The following DOCK3 variants were observed in gnomAD, a reference collection of about 807,000 sequenced individuals.
DOCK3 encodes dedicator of cytokinesis 3.
DOCK3 carries 60 observed loss-of-function variants against 265.6 expected under a neutral mutation model. That is an observed-to-expected ratio of 0.23 (90% CI 0.18 to 0.28). The LOEUF (loss-of-function observed/expected upper bound fraction) is 0.28, where lower values mean the gene tolerates loss of function less well. Ranked by LOEUF, DOCK3 falls within the 10% of genes least tolerant of loss-of-function variation. The pLI, the probability that DOCK3 is intolerant of heterozygous loss-of-function variation, is 1.00. For synonymous variants in DOCK3, 881 were observed against 938.0 expected (o/e 0.94, Z 1.11); for missense variants, 1,981 against 2,594.3 (o/e 0.76, Z 5.14).
chr3:51,278,105 C>T (rs777502038), intron 26 of DOCK3: 95 of 985,372 alleles, frequency 9.6e-5, no homozygotes, highest in Non-Finnish European at 1.1e-4. Flanking sequence ...TTCTAGGAAC[C>T]CCCTCATACA....
chr3:51,060,930 A>G (rs184424453), intron 5 of DOCK3, among the ~76,000 whole-genome samples: 2,898 of 152,358 alleles, frequency 0.019, 95 homozygotes, highest in African/African-American at 0.066. Context: ...TCAAAAGAAG[A>G]CATTTATGCA....
At chr3:50,737,909 G>A (rs115413401) in intron 1 of DOCK3, among the ~76,000 whole-genome samples, 112 of 152,216 alleles carry the variant, frequency 7.4e-4, no homozygotes, top group African/African-American at 2.6e-3. Flanking sequence ...CTTTAGGGTC[G>A]GTTACTAGTG....
At chr3:50,961,864 AT>A (rs1233013788) in intron 5 of DOCK3, among the ~76,000 whole-genome samples, 18 of 152,304 alleles carry the variant, frequency 1.2e-4, no homozygotes, top group African/African-American at 4.3e-4. Flanking sequence ...TGGCTTCATA[AT>A]TTTAATAGAA....
At chr3:50,802,064 G>T (rs1298522251) in intron 2 of DOCK3, among the ~76,000 whole-genome samples, 2 of 151,960 alleles carry the variant, frequency 1.3e-5, no homozygotes, top group African/African-American at 2.4e-5. Context: ...TATTCCTTCA[G>T]TTACAGTTTT....
chr3:51,096,032 C>T (rs1331338187), intron 9 of DOCK3, among the ~76,000 whole-genome samples: 2 of 151,922 alleles, frequency 1.3e-5, no homozygotes, highest in African/African-American at 4.8e-5. Context: ...ACCTTTTCCT[C>T]TGGTTGCCTT....
chr3:50,766,701 A>G (rs1394022795), intron 1 of DOCK3, among the ~76,000 whole-genome samples: 2 of 152,136 alleles, frequency 1.3e-5, no homozygotes, highest in Non-Finnish European at 2.9e-5. Flanking sequence ...TTGCCACACT[A>G]TCTTCCACAA....
intron 27 of DOCK3, among the ~76,000 whole-genome samples, chr3:51,285,617 G>A: frequency 6.6e-6 from 1 of 151,392 alleles, no homozygotes; most frequent in Non-Finnish European, 1.5e-5. Flanking sequence ...TATAATCTGA[G>A]GTACAAAAAG....
At chr3:50,747,092 T>A (rs1276510458) in intron 1 of DOCK3, among the ~76,000 whole-genome samples, 2 of 152,250 alleles carry the variant, frequency 1.3e-5, no homozygotes, top group Non-Finnish European at 2.9e-5. Context: ...TTTTGCATCT[T>A]TGTAAAAAAT....
chr3:50,806,091 G>A (rs2043395753), intron 2 of DOCK3, among the ~76,000 whole-genome samples: 1 of 152,098 alleles, frequency 6.6e-6, no homozygotes, highest in African/African-American at 2.4e-5. Context: ...GGATTGCTTA[G>A]TTGGCCTGGG....
chr3:51,381,251 G>T lies in DOCK3; in HGVS notation c.5785G>T (p.Glu1929Ter). ...SQAWNADEDL[E>*]PPYLPVHYSL... ...GGCCTGGAATGCTGACGAAGATCTTGAGCCACCCTACCTCCCTGTCCACTA... is the reference window on the plus strand; with the variant it reads ...GGCCTGGAATGCTGACGAAGATCTTTAGCCACCCTACCTCCCTGTCCACTA... Residue 1929 changes from glutamate (E) to a stop codon, truncating the protein, a stop_gained, in exon 53 of 53, where the codon GAG (glutamate) becomes TAG (stop). Coordinates refer to ENST00000266037, the MANE Select transcript of DOCK3 (RefSeq NM_004947.5). LOFTEE classifies it high-confidence loss of function. This position sits in a 1 kb window ranked among gnomAD's most constrained non-coding sequence, Gnocchi z 5.6. 6.2e-7 allele frequency: 1 copy of T among 1,613,848 alleles called. No individual in the cohort carries two copies. Among genetic ancestry groups the T allele is most frequent in the South Asian group, 1.1e-5 (1 of 91,080 alleles).
chr3:50,690,757 C>A (rs1329604819), intron 1 of DOCK3, among the ~76,000 whole-genome samples: 2 of 151,782 alleles, frequency 1.3e-5, no homozygotes, highest in African/African-American at 4.8e-5. Flanking sequence ...ATTCTCCTGC[C>A]TCAGCCTCCC....
chr3:51,074,056 C>A (rs1375354652), intron 6 of DOCK3, among the ~76,000 whole-genome samples: 1 of 152,186 alleles, frequency 6.6e-6, no homozygotes, highest in African/African-American at 2.4e-5. Context: ...GCTGTGCTAG[C>A]ATGTTCTAAA....
chr3:51,280,141 C>T lies in DOCK3; in HGVS notation c.2859C>T (p.Arg953=). ...EYVSCLLSLL[R]QMCDTHFQHL... ...TGTCCTGCCTTCTCTCACTGCTCCG[C>T]CAGATGTGTGACACCCATTTCCAGC... The change falls in exon 27 of 53, where the codon CGC becomes CGT. Residue 953 remains arginine, a synonymous_variant. Coordinates refer to ENST00000266037, the MANE Select transcript of DOCK3 (RefSeq NM_004947.5). 1 of 1,613,840 alleles carries T rather than the reference C, an allele frequency of 6.2e-7. No homozygotes were observed. The highest frequency in any genetic ancestry group is 1.1e-5 in the South Asian group (1 of 91,050).
chr3:50,945,694 A>C (rs1286215126), intron 5 of DOCK3, among the ~76,000 whole-genome samples: 1 of 152,150 alleles, frequency 6.6e-6, no homozygotes, highest in Non-Finnish European at 1.5e-5. Flanking sequence ...TTATCCCAAG[A>C]ATATTGATTT....
intron 1 of DOCK3, among the ~76,000 whole-genome samples, chr3:50,717,572 T>G (rs1187195362): frequency 2.6e-5 from 4 of 152,198 alleles, no homozygotes; most frequent in Non-Finnish European, 5.9e-5. Flanking sequence ...GAATAGTGTT[T>G]ATTTTTTCCC....
chr3:51,029,692 G>A (rs1276280888), intron 5 of DOCK3, among the ~76,000 whole-genome samples: 1 of 152,150 alleles, frequency 6.6e-6, no homozygotes, highest in Admixed American at 6.5e-5. Flanking sequence ...ATCTCCAGGG[G>A]ACCCACAACT....
chr3:51,141,188 CTTTCT>C (rs1242446171), intron 9 of DOCK3, among the ~76,000 whole-genome samples: 5 of 51,500 alleles, frequency 9.7e-5, no homozygotes, highest in African/African-American at 5.0e-4. Context: ...CCTATATTTT[CTTTCT>C]TTTTTTTTTT....
At chr3:50,692,750 CTTTTTTTGT>C (rs2035337417) in intron 1 of DOCK3, among the ~76,000 whole-genome samples, 1 of 152,072 alleles carries the variant, frequency 6.6e-6, no homozygotes, top group Non-Finnish European at 1.5e-5. Context: ...GCTGATTTAT[CTTTTTTTGT>C]TTTTTTTGTT....
At chr3:50,803,851 C>G (rs1157134036) in intron 2 of DOCK3, among the ~76,000 whole-genome samples, 1 of 151,700 alleles carries the variant, frequency 6.6e-6, no homozygotes, top group Non-Finnish European at 1.5e-5. Flanking sequence ...CCCCCCACCT[C>G]CATCCTGGAC....
Sources: allele counts gnomAD v4.1 joint callset (sites outside exome capture counted in the v4.1 genomes callset), GRCh38; gene constraint gnomAD v4.1.1; non-coding constraint Gnocchi (gnomAD v3.1); transcripts MANE v1.5; gene names NCBI Gene and HGNC (gene_info 2026-07-23, HGNC 2026-07-21).